ADGRE1: variants seen among roughly 807,000 people sequenced by gnomAD.
ADGRE1 encodes EGF-like module receptor 1.
Under a neutral mutation model 102.7 loss-of-function variants are expected in ADGRE1, and 82 were observed. That is an observed-to-expected ratio of 0.80 (90% CI 0.67 to 0.96). The LOEUF is 0.96. ADGRE1 is among the 40% of genes least tolerant of loss of function. The probability of loss-of-function intolerance (pLI) is 0.00; values close to 1 mark genes in which losing one functional copy is unlikely to be tolerated. For missense variants in ADGRE1, 1,032 were observed against 1,085.3 expected (o/e 0.95, Z 0.69); for synonymous variants, 398 against 399.6 (o/e 1.00, Z 0.05).
chr19:6,917,739 CAAA>C (rs35172767), intron 12 of ADGRE1, among the ~76,000 whole-genome samples: 5 of 116,380 alleles, frequency 4.3e-5, no homozygotes, highest in Admixed American at 9.2e-5. Flanking sequence ...GACTCCATCT[CAAA>C]AAAAAAAAAA....
Position 6,896,493 on chromosome 19 carries a change from T to A in ADGRE1, c.190T>A (p.Ser64Thr), listed in dbSNP as rs917993616. 4 of 1,614,128 alleles carry A rather than the reference T, an allele frequency of 2.5e-6. No individual in the cohort carries two copies. The Admixed American group carries it at 6.7e-5, about 27-fold the overall frequency. The change falls in exon 3 of 21, where the codon TCC becomes ACC. Residue 64 changes from serine to threonine, a missense_variant. Ser to Thr is a moderately conservative substitution (Grantham distance 58). Coordinates refer to ENST00000312053, the MANE Select transcript of ADGRE1 (RefSeq NM_001974.5). ...TTGCGCTTGCAAACAAGGCTTCCTG[T>A]CCAGCAATGGGCAAAATCACTTCAA... ...YYCACKQGFL[S>T]SNGQNHFKDP... is the part of the protein sequence containing the mutation.
At chr19:6,926,893 G>C (rs1974939000) in intron 16 of ADGRE1, among the ~76,000 whole-genome samples, 1 of 151,800 alleles carries the variant, frequency 6.6e-6, no homozygotes, top group Non-Finnish European at 1.5e-5. Flanking sequence ...GGTGGTGGGG[G>C]TGAAAGTGGG....
intron 17 of ADGRE1, among the ~76,000 whole-genome samples, chr19:6,930,214 GA>G (rs1396107167): frequency 6.6e-6 from 1 of 152,158 alleles, no homozygotes; most frequent in African/African-American, 2.4e-5. Flanking sequence ...TTGAATGAAA[GA>G]AAAAGTAAAA....
In ADGRE1 at chr19:6,906,444, A is replaced by G. The variant is rs900643593; in HGVS notation, c.961A>G (p.Lys321Glu). 4 of 1,613,182 alleles carry G rather than the reference A, an allele frequency of 2.5e-6. No individual in the cohort carries two copies. Among genetic ancestry groups the G allele is most frequent in the African/African-American group, 1.3e-5 (1 of 74,908 alleles). The change falls in exon 9 of 21, where the codon AAA becomes GAA. Residue 321 changes from lysine to glutamate, a missense_variant. By Grantham distance (56) the Lys-to-Glu change is moderately conservative. Coordinates refer to ENST00000312053, the MANE Select transcript of ADGRE1 (RefSeq NM_001974.5). The stretch of plus-strand genomic sequence containing the variant: ...TGTTTTCTTCCTAGGGGTTCTCTTC[A>G]AATGTAAGGAAGATGTGATACCCGA... ...GNFSCQRVLF[K>E]CKEDVIPDNK... is the part of the protein sequence containing the mutation.
At chr19:6,905,384 ACT>A (rs1165452915) in intron 8 of ADGRE1, among the ~76,000 whole-genome samples, 1 of 142,680 alleles carries the variant, frequency 7.0e-6, no homozygotes, top group East Asian at 2.0e-4. Flanking sequence ...ATGGAGTCTC[ACT>A]CTGTCGCCCA....
In ADGRE1 at chr19:6,888,374, C is replaced by G. The variant is rs117492960; in HGVS notation, c.31+735C>G. Among the ~76,000 whole-genome samples the G allele has an allele frequency of 2.2e-4, 33 of 152,304 alleles. No individual in the cohort carries two copies. In the East Asian group the frequency reaches 5.0e-3, roughly 23 times the overall value. Reference sequence around the variant, plus strand: ...TCCTGAAGGATGAGATAGACCCTTCCTGTGCTCTTATTTCTCTTTCTTCAG... The same window carrying G: ...TCCTGAAGGATGAGATAGACCCTTCGTGTGCTCTTATTTCTCTTTCTTCAG... On this transcript the variant is annotated intron_variant, in intron 1 of 20. Coordinates refer to ENST00000312053, the MANE Select transcript of ADGRE1 (RefSeq NM_001974.5).
rs750441828 is a variant in ADGRE1 at position 6,897,229 on chromosome 19, A to G, written c.319A>G (p.Ser107Gly). 23 of 1,613,672 alleles carry G rather than the reference A, an allele frequency of 1.4e-5. No individual in the cohort carries two copies. The highest frequency in any genetic ancestry group is 5.5e-5 in the South Asian group (5 of 91,060). ...AAACCTGTCAGGGAGGTACAAGTGC[A>G]GCTGTTTAGATGGTTTCTCTTCTCC... is the stretch of plus-strand genomic sequence containing the variant. ...CKNLSGRYKC[S>G]CLDGFSSPTG... The change falls in exon 4 of 21, where the codon AGC (serine) becomes GGC (glycine). Residue 107 changes from serine (S) to glycine (G), a missense_variant. Physicochemically the swap from Ser to Gly is moderately conservative, Grantham distance 56. Coordinates refer to ENST00000312053, the MANE Select transcript of ADGRE1 (RefSeq NM_001974.5).
Position 6,918,366 on chromosome 19 carries a change from G to A in ADGRE1, c.1421-1182G>A, listed in dbSNP as rs889207139. 3.3e-5 allele frequency among the ~76,000 whole-genome samples: 5 copies of A among 152,084 alleles called. No individual in the cohort carries two copies. The East Asian group carries it at 9.7e-4, about 30-fold the overall frequency. On this transcript the variant is annotated intron_variant, in intron 12 of 20. Coordinates refer to ENST00000312053, the MANE Select transcript of ADGRE1 (RefSeq NM_001974.5). ...TGAGGCAGGAGAATCGCTTGAACCC[G>A]GAAGGCAGACGTTGCAGTGAGCCGA...
chr19:6,935,246 C>A (rs1975354226), intron 18 of ADGRE1, among the ~76,000 whole-genome samples, 168 bp downstream of exon 18: 1 of 152,088 alleles, frequency 6.6e-6, no homozygotes, highest in Admixed American at 6.6e-5. Flanking sequence ...TCCAGCTCAA[C>A]TATTTACGAG....
At chr19:6,937,443 C>T (rs776578872) in intron 19 of ADGRE1, 32 bp downstream of exon 19, 12 of 1,567,118 alleles carry the variant, frequency 7.7e-6, no homozygotes, top group Admixed American at 3.5e-5. Flanking sequence ...CATCCCCCTC[C>T]TCCCATCCCC....
rs956999346 is a variant in ADGRE1, at chr19:6,921,634, C to T, written c.1621-79C>T. 9.8e-6 allele frequency: 14 copies of T among 1,429,392 alleles called. No individual in the cohort carries two copies. In the Admixed American group the frequency reaches 2.6e-4, roughly 26 times the overall value. 88.5% of individuals were successfully genotyped at this position (1,429,392 alleles called of 1,614,324 possible). A position where few individuals can be genotyped will look rare whatever the true frequency, so the allele number is the denominator to read the frequency against. On this transcript the variant is annotated intron_variant, in intron 13 of 20. Transcript: ENST00000312053. ...CTGTGTATTCTTGTTCCCAGTGACT[C>T]TTGAGGATGGTCACATTTAATCCAT...
rs185507694 is a variant in ADGRE1, at chr19:6,927,389, G to A, written c.2223-756G>A. ...TGAAATATCTTGTCTATGCTAGGCT[G>A]TGCTCTGAGTGCTGAGTATTCAGAG... On this transcript the variant is annotated intron_variant, in intron 16 of 20. Coordinates refer to ENST00000312053, the MANE Select transcript of ADGRE1 (RefSeq NM_001974.5). 4.1e-4 allele frequency among the ~76,000 whole-genome samples: 62 copies of A among 150,390 alleles called. 2 individuals are homozygous for A. The Admixed American group carries it at 4.1e-3, about 10-fold the overall frequency.
At chr19:6,938,898 C>T (rs461295) in intron 20 of ADGRE1, among the ~76,000 whole-genome samples, 104,242 of 151,142 alleles carry the variant, frequency 0.69, 36,145 homozygotes, top group Non-Finnish European at 0.73. Context: ...TGGGTTCAAG[C>T]GATTTTCCTG....
chr19:6,890,425 T>G (rs1276523259), intron 1 of ADGRE1, 56 bp from the exon 2 acceptor site: 12 of 1,011,704 alleles, frequency 1.2e-5, no homozygotes, highest in Non-Finnish European at 1.6e-5. Context: ...CAAAAGGTTT[T>G]TTTTTTTTTT....
intron 16 of ADGRE1, 131 bp from the exon 17 acceptor site, chr19:6,928,014 G>C: frequency 8.7e-7 from 1 of 1,155,608 alleles, no homozygotes; most frequent in Non-Finnish European, 1.2e-6. Flanking sequence ...AACTGCAACC[G>C]GGACCATCCT....
At chr19:6,937,506 C>A in intron 19 of ADGRE1, 38 bp from the exon 20 acceptor site, 1 of 1,610,784 alleles carries the variant, frequency 6.2e-7, no homozygotes, top group Non-Finnish European at 8.5e-7. Flanking sequence ...GTCACTGGAC[C>A]ATTTCCCTGC....
intron 15 of ADGRE1, among the ~76,000 whole-genome samples, chr19:6,926,009 A>G (rs987701283): frequency 6.6e-6 from 1 of 152,070 alleles, no homozygotes; most frequent in Non-Finnish European, 1.5e-5. Context: ...GTAAAACTTT[A>G]TTTACAAGGC....
At chr19:6,890,685 C>T in intron 2 of ADGRE1, 142 bp downstream of exon 2, 1 of 788,064 alleles carries the variant, frequency 1.3e-6, no homozygotes, top group Non-Finnish European at 2.0e-6. Context: ...ATGCAAGTCT[C>T]CTGATTCTCA....
Position 6,937,289 on chromosome 19 carries a change from T to A in ADGRE1, c.2428T>A (p.Ser810Thr). 1 of 1,614,160 alleles carries A rather than the reference T, an allele frequency of 6.2e-7. No homozygotes were observed. Among genetic ancestry groups the A allele is most frequent in the Non-Finnish European group, 8.5e-7 (1 of 1,180,010 alleles). The change falls in exon 19 of 21, where the codon TCC becomes ACC. Residue 810 changes from serine (S) to threonine (T), a missense_variant. By Grantham distance (58) the Ser-to-Thr change is moderately conservative. Transcript: ENST00000312053. ...TGCCCAGCTCTTCATCCTGGGCTGC[T>A]CCTGGGTGCTGGGCATTTTTCAGAT... ...AFAQLFILGCSWVLGIFQIGP... is the reference protein window; with the variant it reads ...AFAQLFILGCTWVLGIFQIGP...
Sources: allele counts gnomAD v4.1 joint callset (sites outside exome capture counted in the v4.1 genomes callset), GRCh38; gene constraint gnomAD v4.1.1; transcripts MANE v1.5; gene names NCBI Gene and HGNC (gene_info 2026-07-23, HGNC 2026-07-21).